The following MACROD2 variants were observed in gnomAD, a reference collection of about 807,000 sequenced individuals.
MACROD2 encodes mono-ADP ribosylhydrolase 2.
In MACROD2, 36 loss-of-function variants were observed where a neutral mutation model predicts 70.4. The observed-to-expected ratio is 0.51, with a 90% CI of 0.39 to 0.68. The LOEUF is 0.68. Among genes scored for constraint, MACROD2 ranks in the 30% least tolerant of loss-of-function variants. MACROD2 has a pLI of 0.00. For synonymous variants in MACROD2, 172 were observed against 178.8 expected, an observed-to-expected ratio of 0.96 and a Z score of 0.30; for missense variants, 496 against 538.4, an observed-to-expected ratio of 0.92 and a Z score of 0.78.
rs113684175 is a variant in MACROD2, at chr20:14,999,967, A to G, written c.419-229973A>G. ...TTTAAAGATATAAAAGCAATACTGT[A>G]TATTGTTCAGGGCTATATATCTGTA... On this transcript the variant is annotated intron_variant, in intron 5 of 17. Transcript: ENST00000684519. Among the ~76,000 whole-genome samples, 1,466 of 152,338 alleles carry G rather than the reference A, an allele frequency of 9.6e-3. 23 individuals are homozygous for G. Among genetic ancestry groups the G allele is most frequent in the African/African-American group, 0.033 (1,390 of 41,590 alleles).
rs368374007 is a variant in MACROD2 at position 15,141,564 on chromosome 20, A to G, written c.419-88376A>G. The stretch of plus-strand genomic sequence containing the variant: ...ACCTGCCTCTCTCTGATTCCAAGTG[A>G]CCTCAGAAAGTACACCTGCTCTTCA... On this transcript the variant is annotated intron_variant, in intron 5 of 17. Transcript: ENST00000684519. Among the ~76,000 whole-genome samples the G allele has an allele frequency of 1.7e-4, 26 of 152,186 alleles. No individual in the cohort carries two copies. In the East Asian group the frequency reaches 4.1e-3, roughly 24 times the overall value.
intron 10 of MACROD2, among the ~76,000 whole-genome samples, chr20:15,918,750 C>CT (rs1465671558): frequency 2.0e-5 from 3 of 152,186 alleles, no homozygotes; most frequent in East Asian, 3.8e-4. Flanking sequence ...TGCAGTCTGC[C>CT]TTACGGGTAG....
chr20:14,659,250 A>G (rs551237021), intron 4 of MACROD2, among the ~76,000 whole-genome samples: 40 of 152,156 alleles, frequency 2.6e-4, no homozygotes, highest in Middle Eastern at 6.8e-3. Flanking sequence ...TTTTTCCTCT[A>G]TTCTCCATAT....
At chr20:15,302,400 G>T (rs1600218946) in intron 6 of MACROD2, among the ~76,000 whole-genome samples, 2 of 9,258 alleles carry the variant, frequency 2.2e-4, no homozygotes, top group African/African-American at 7.2e-4. Flanking sequence ...ATACAGATGT[G>T]TATCTTTTAT....
At chr20:14,486,445 G>C (rs1372269045) in intron 3 of MACROD2, among the ~76,000 whole-genome samples, 1 of 150,928 alleles carries the variant, frequency 6.6e-6, no homozygotes, top group Admixed American at 6.6e-5. Context: ...CTTGGGCAGA[G>C]AACAAGGGCA....
In MACROD2 at chr20:14,538,406, C is replaced by T. The variant is rs78865862; in HGVS notation, c.301+44898C>T. Among the ~76,000 whole-genome samples the T allele has an allele frequency of 3.9e-5, 6 of 152,296 alleles. No homozygotes were observed. The East Asian group carries it at 1.2e-3, about 29-fold the overall frequency. ...AAGCCTTCCCTCTGTTACACTTCCT[C>T]TCTTCAGTCCATTCTCCATGCATCA... On this transcript the variant is annotated intron_variant, in intron 4 of 17. Transcript: ENST00000684519.
intron 8 of MACROD2, among the ~76,000 whole-genome samples, chr20:15,811,490 C>A: frequency 6.6e-6 from 1 of 152,186 alleles, no homozygotes; most frequent in Admixed American, 6.6e-5. Context: ...CTGACAGTGA[C>A]CTTGTATCTC....
chr20:14,375,825 A>G (rs1223954512), intron 3 of MACROD2, among the ~76,000 whole-genome samples: 2 of 152,216 alleles, frequency 1.3e-5, no homozygotes, highest in South Asian at 2.1e-4. Flanking sequence ...ACTTAGGGCC[A>G]TTGGTTCAAC....
intron 6 of MACROD2, among the ~76,000 whole-genome samples, chr20:15,352,126 C>T (rs116376194): frequency 9.5e-4 from 145 of 152,234 alleles, no homozygotes; most frequent in African/African-American, 3.2e-3. Context: ...AAACAGAGAA[C>T]ATGAAGAAGA....
chr20:15,293,160 C>T (rs376225328), intron 6 of MACROD2, among the ~76,000 whole-genome samples: 8 of 152,166 alleles, frequency 5.3e-5, no homozygotes, highest in East Asian at 1.9e-4. Context: ...TAGAATAAGT[C>T]GATAATCCCT....
At chr20:14,125,410 G>T (rs997675816) in intron 3 of MACROD2, among the ~76,000 whole-genome samples, 1 of 152,096 alleles carries the variant, frequency 6.6e-6, no homozygotes, top group Non-Finnish European at 1.5e-5. Context: ...GACTAATCTT[G>T]TATAATTTCA....
chr20:15,805,006 T>C (rs922203429), intron 8 of MACROD2, among the ~76,000 whole-genome samples: 1 of 152,196 alleles, frequency 6.6e-6, no homozygotes, highest in Non-Finnish European at 1.5e-5. Context: ...TTGCCCACAG[T>C]GGTTACGTGC....
At chr20:15,140,497 T>C (rs1220065349) in intron 5 of MACROD2, among the ~76,000 whole-genome samples, 2 of 152,152 alleles carry the variant, frequency 1.3e-5, no homozygotes, top group Non-Finnish European at 2.9e-5. Context: ...GATAATGTAG[T>C]GCTTTATTTG....
intron 5 of MACROD2, among the ~76,000 whole-genome samples, chr20:15,064,088 AT>A (rs2075555229): frequency 6.6e-6 from 1 of 152,198 alleles, no homozygotes; most frequent in Non-Finnish European, 1.5e-5. Context: ...CGCACCAGTG[AT>A]TGAGTGACTA....
intron 8 of MACROD2, among the ~76,000 whole-genome samples, chr20:15,760,203 A>G (rs1192776248): frequency 2.0e-5 from 3 of 152,226 alleles, no homozygotes; most frequent in Non-Finnish European, 4.4e-5. Context: ...CGGCTTCACG[A>G]AAATGACCCA....
At chr20:14,318,876 G>C (rs2082635526) in intron 3 of MACROD2, among the ~76,000 whole-genome samples, 1 of 152,110 alleles carries the variant, frequency 6.6e-6, no homozygotes, top group Non-Finnish European at 1.5e-5. Context: ...AATTTCCCAT[G>C]TGATTGGCAT....
chr20:14,042,618 T>C lies in MACROD2; in HGVS notation c.163+40214T>C, dbSNP rs2053408328. Among the ~76,000 whole-genome samples, 3 of 152,170 alleles carry C rather than the reference T, an allele frequency of 2.0e-5. No individual in the cohort carries two copies. The South Asian group carries it at 6.2e-4, about 32-fold the overall frequency. ...CCTCCTGGGTTTAAGCTATTCTGCC[T>C]TAGCTTCAGTAGCTGGGAATACAAG... On this transcript the variant is annotated intron_variant, in intron 2 of 17. Transcript: ENST00000684519.
chr20:15,227,827 T>TG lies in MACROD2; in HGVS notation c.419-2113_419-2112insG, dbSNP rs1202406539. ...TGGTGTGATAGAATTTCACCTGTTT[T>TG]TTTTTTTTTTTTTTTTTTTTTTCAA... On this transcript the variant is annotated intron_variant, in intron 5 of 17. Transcript: ENST00000684519. Among the ~76,000 whole-genome samples the TG allele has an allele frequency of 5.3e-5, 6 of 113,234 alleles. No homozygotes were observed. The Admixed American group carries it at 5.4e-4, about 10-fold the overall frequency. The allele number at this position is 113,234 out of a possible 152,430, so 74.3% of individuals were successfully genotyped here. A position where few individuals can be genotyped will look rare whatever the true frequency, so the allele number is the denominator to read the frequency against.
chr20:15,492,602 A>G (rs1843596413), intron 7 of MACROD2, among the ~76,000 whole-genome samples: 2 of 152,208 alleles, frequency 1.3e-5, no homozygotes, highest in Admixed American at 6.5e-5. Flanking sequence ...GTCAATGTTG[A>G]CAATCCCTGT....
Sources: allele counts gnomAD v4.1 joint callset (sites outside exome capture counted in the v4.1 genomes callset), GRCh38; gene constraint gnomAD v4.1.1; transcripts MANE v1.5; gene names NCBI Gene and HGNC (gene_info 2026-07-23, HGNC 2026-07-21).